Variants in CEP112 observed in about 807,000 individuals in gnomAD.
The protein encoded by CEP112 is centrosomal protein of 112 kDa.
In CEP112, 127 loss-of-function variants were observed where a neutral mutation model predicts 153.0. That is an observed-to-expected ratio of 0.83 (90% CI 0.72 to 0.96). The LOEUF is 0.96. Among genes scored for constraint, CEP112 ranks in the 40% least tolerant of loss-of-function variants. The pLI, the probability that CEP112 is intolerant of heterozygous loss-of-function variation, is 0.00. For missense variants in CEP112, 1,089 were observed against 1,101.2 expected (o/e 0.99, Z 0.16); for synonymous variants, 358 against 374.4 (o/e 0.96, Z 0.51).
At chr17:66,150,872 T>G (rs2071179330) in intron 4 of CEP112, among the ~76,000 whole-genome samples, 1 of 152,248 alleles carries the variant, frequency 6.6e-6, no homozygotes, top group Non-Finnish European at 1.5e-5. Flanking sequence ...GAAGCTCTTT[T>G]GTTTGCTAAA....
chr17:66,152,112 T>C (rs1229100827), intron 4 of CEP112, among the ~76,000 whole-genome samples: 1 of 152,118 alleles, frequency 6.6e-6, no homozygotes, highest in Admixed American at 6.5e-5. Context: ...GATTTTGGTA[T>C]CTGAAAGTAA....
intron 21 of CEP112, among the ~76,000 whole-genome samples, chr17:65,786,426 A>G (rs1362304579): frequency 6.6e-6 from 1 of 151,848 alleles, no homozygotes; most frequent in African/African-American, 2.4e-5. Context: ...AGACTTCCTA[A>G]TTTCTGTCAG....
intron 19 of CEP112, among the ~76,000 whole-genome samples, chr17:65,907,267 G>C (rs1016178110): frequency 3.0e-4 from 46 of 152,230 alleles, no homozygotes; most frequent in African/African-American, 1.1e-3. Flanking sequence ...ACTCATCAAT[G>C]ATCATGCCCA....
intron 23 of CEP112, among the ~76,000 whole-genome samples, chr17:65,699,454 C>A (rs560692318): frequency 6.6e-6 from 1 of 152,230 alleles, no homozygotes; most frequent in East Asian, 1.9e-4. Context: ...GAAGTGGCCT[C>A]CCTTCTTGTT....
chr17:65,989,338 A>T (rs191447285), intron 17 of CEP112, among the ~76,000 whole-genome samples: 8 of 152,182 alleles, frequency 5.3e-5, no homozygotes, highest in African/African-American at 1.9e-4. Context: ...TCAAAGGCCA[A>T]GACAAAGAGA....
intron 21 of CEP112, among the ~76,000 whole-genome samples, chr17:65,770,080 G>A (rs2053248437): frequency 6.6e-6 from 1 of 151,050 alleles, no homozygotes. Context: ...ATTTGCAGAT[G>A]GAATGGCTGA....
At chr17:65,866,372 G>A (rs1288930561) in intron 20 of CEP112, among the ~76,000 whole-genome samples, 2 of 152,240 alleles carry the variant, frequency 1.3e-5, no homozygotes, top group Admixed American at 1.3e-4. Context: ...AGGCGGGGCT[G>A]AGGGCAGCTT....
chr17:66,132,094 G>A (rs967665534), intron 5 of CEP112, among the ~76,000 whole-genome samples: 15 of 144,224 alleles, frequency 1.0e-4, no homozygotes, highest in Non-Finnish European at 1.8e-4. Flanking sequence ...GCTTGAACCC[G>A]GGAGGCGGAG....
intron 21 of CEP112, among the ~76,000 whole-genome samples, chr17:65,819,204 G>C (rs2056413652): frequency 6.6e-6 from 1 of 151,842 alleles, no homozygotes; most frequent in Admixed American, 6.6e-5. Context: ...AGTGTGTTGT[G>C]TTTTCATGAA....
At chr17:65,969,892 A>T (rs889907113) in intron 17 of CEP112, among the ~76,000 whole-genome samples, 1 of 152,230 alleles carries the variant, frequency 6.6e-6, no homozygotes, top group Non-Finnish European at 1.5e-5. Context: ...AATTACATGC[A>T]TGCTTAACAC....
intron 8 of CEP112, among the ~76,000 whole-genome samples, chr17:66,088,283 C>T (rs1480679177): frequency 6.6e-6 from 1 of 152,094 alleles, no homozygotes; most frequent in African/African-American, 2.4e-5. Context: ...CCCACAGCCC[C>T]AGGTTCCAAA....
chr17:65,842,737 T>A (rs1028935230), intron 21 of CEP112, among the ~76,000 whole-genome samples: 2 of 152,158 alleles, frequency 1.3e-5, no homozygotes, highest in Non-Finnish European at 2.9e-5. Flanking sequence ...CTGGGGCTCA[T>A]GTAAAAAAGG....
intron 17 of CEP112, among the ~76,000 whole-genome samples, chr17:65,999,364 G>A (rs1391690746): frequency 6.6e-6 from 1 of 151,894 alleles, no homozygotes; most frequent in African/African-American, 2.4e-5. Flanking sequence ...ACAGCACACG[G>A]CTAATTTTTT....
intron 21 of CEP112, 117 bp from the exon 22 acceptor site, chr17:65,750,841 GC>G: frequency 1.2e-6 from 1 of 829,140 alleles, no homozygotes; most frequent in Non-Finnish European, 2.0e-6. Context: ...TTCTGGGGCA[GC>G]CAGAAAACCA....
At chr17:66,184,016 A>T (rs1411404856) in intron 1 of CEP112, among the ~76,000 whole-genome samples, 1 of 152,126 alleles carries the variant, frequency 6.6e-6, no homozygotes, top group Admixed American at 6.6e-5. Context: ...TGGGAGTCCC[A>T]GGCAGGAGGA....
At chr17:66,007,340 A>G (rs558887161) in intron 16 of CEP112, among the ~76,000 whole-genome samples, 3 of 152,178 alleles carry the variant, frequency 2.0e-5, no homozygotes, top group Non-Finnish European at 4.4e-5. Flanking sequence ...TGAGAAAGAG[A>G]AAGAACAACT....
At chr17:65,869,724 C>A (rs9894713) in intron 20 of CEP112, among the ~76,000 whole-genome samples, 2 of 151,668 alleles carry the variant, frequency 1.3e-5, no homozygotes, top group African/African-American at 4.8e-5. Flanking sequence ...GGACTACAGG[C>A]AGGCGCCCGC....
intron 23 of CEP112, among the ~76,000 whole-genome samples, chr17:65,710,698 C>A (rs2049133885): frequency 6.6e-6 from 1 of 152,182 alleles, no homozygotes; most frequent in Non-Finnish European, 1.5e-5. Context: ...GATATGAAGG[C>A]AAGAGAGCAT....
intron 20 of CEP112, among the ~76,000 whole-genome samples, chr17:65,901,302 G>C (rs1453559609): frequency 1.3e-5 from 2 of 152,098 alleles, no homozygotes; most frequent in African/African-American, 4.8e-5. Flanking sequence ...GTTTTTATTA[G>C]AAAAGAACAT....
Sources: allele counts gnomAD v4.1 joint callset (sites outside exome capture counted in the v4.1 genomes callset), GRCh38; gene constraint gnomAD v4.1.1; transcripts MANE v1.5; gene names NCBI Gene and HGNC (gene_info 2026-07-23, HGNC 2026-07-21).